PAX9: variants seen among roughly 807,000 people sequenced by gnomAD.
PAX9 encodes paired box protein Pax-9.
A neutral mutation model predicts 29.1 loss-of-function variants in PAX9; 6 were observed. The observed-to-expected ratio is 0.21, with a 90% CI of 0.11 to 0.41. The LOEUF is 0.41. Among genes scored for constraint, PAX9 ranks in the 10% least tolerant of loss-of-function variants. The probability of loss-of-function intolerance (pLI) is 1.00; values close to 1 mark genes in which losing one functional copy is unlikely to be tolerated. For synonymous variants in PAX9, 217 were observed against 211.7 expected, an observed-to-expected ratio of 1.03 and a Z score of -0.22; for missense variants, 443 against 479.1, an observed-to-expected ratio of 0.92 and a Z score of 0.70.
chr14:36,678,401 T>G lies in PAX9; in HGVS notation c.*1949T>G. 6 of 1,156,842 alleles carry G rather than the reference T, an allele frequency of 5.2e-6. No homozygotes were observed. The highest frequency in any genetic ancestry group is 7.5e-6 in the Non-Finnish European group (6 of 802,792). The allele number at this position is 1,156,842 out of a possible 1,614,324, so 71.7% of individuals were successfully genotyped here. A position where few individuals can be genotyped will look rare whatever the true frequency, so the allele number is the denominator to read the frequency against. On this transcript the variant is annotated 3_prime_UTR_variant, in exon 4 of 4. Coordinates refer to ENST00000361487, the MANE Select transcript of PAX9 (RefSeq NM_001372076.1). ...GAGGATTATAACTTCAGGAGAAGAATAAGCAGAAGGAGCAGATGAACTCTC... is the reference window on the plus strand; with the variant it reads ...GAGGATTATAACTTCAGGAGAAGAAGAAGCAGAAGGAGCAGATGAACTCTC...
intron 3 of PAX9, among the ~76,000 whole-genome samples, chr14:36,673,125 C>G (rs1394669578): frequency 4.0e-5 from 6 of 151,844 alleles, no homozygotes; most frequent in Non-Finnish European, 8.8e-5. Flanking sequence ...CTCAGCCTGC[C>G]AAAGTGCTGG....
chr14:36,661,052 G>A (rs1333336642), upstream of PAX9, among the ~76,000 whole-genome samples: 1 of 152,244 alleles, frequency 6.6e-6, no homozygotes, highest in African/African-American at 2.4e-5. Context: ...GAGGGCCAGG[G>A]GCCCAGGACA....
chr14:36,658,914 G>A (rs952910647), upstream of PAX9: 3 of 152,326 alleles, frequency 2.0e-5, no homozygotes, highest in African/African-American at 2.4e-5. Flanking sequence ...GCTCCCCTTG[G>A]GCGGGTGTAC....
At chr14:36,665,196 A>G (rs556889305) in intron 2 of PAX9, among the ~76,000 whole-genome samples, 19 of 149,714 alleles carry the variant, frequency 1.3e-4, no homozygotes, top group African/African-American at 4.4e-4. Context: ...AAAGGCTGAC[A>G]GAGTTTAAAA....
upstream of PAX9, among the ~76,000 whole-genome samples, chr14:36,660,252 C>G (rs1265842519): frequency 6.6e-6 from 1 of 152,176 alleles, no homozygotes; most frequent in Non-Finnish European, 1.5e-5. Context: ...CGGTGCCACA[C>G]GATGTCACCC....
chr14:36,672,785 G>GTT (rs1555317465), intron 3 of PAX9, among the ~76,000 whole-genome samples: 1 of 125,274 alleles, frequency 8.0e-6, no homozygotes, highest in African/African-American at 3.1e-5. Flanking sequence ...ATTTATGTTT[G>GTT]TTTTTTTTTT....
chr14:36,674,292 G>C (rs1881803655), intron 3 of PAX9, among the ~76,000 whole-genome samples: 1 of 152,182 alleles, frequency 6.6e-6, no homozygotes, highest in African/African-American at 2.4e-5. Context: ...CTCAAAAGAT[G>C]CACTAGTTTT....
chr14:36,672,540 T>C (rs1020552000), intron 3 of PAX9, among the ~76,000 whole-genome samples: 9 of 152,190 alleles, frequency 5.9e-5, no homozygotes, highest in African/African-American at 1.4e-4. Context: ...TCAAAATTAA[T>C]AGTGAGAAAA....
Position 36,663,087 on chromosome 14 carries a change from G to A in PAX9, c.195G>A (p.Ser65=). The A allele has an allele frequency of 6.2e-7, 1 of 1,613,936 alleles. No individual in the cohort carries two copies. The highest frequency in any genetic ancestry group is 8.5e-7 in the Non-Finnish European group (1 of 1,180,022). Residue 65 remains serine, a synonymous_variant, in exon 2 of 4, where the codon TCG becomes TCA. Coordinates refer to ENST00000361487, the MANE Select transcript of PAX9 (RefSeq NM_001372076.1). Reference sequence around the variant, plus strand: ...TGGCGCGATACAACGAGACGGGCTCGATCTTGCCAGGAGCCATCGGGGGCA... The same window carrying A: ...TGGCGCGATACAACGAGACGGGCTCAATCTTGCCAGGAGCCATCGGGGGCA... The part of the protein sequence containing the change: ...KILARYNETG[S]ILPGAIGGSK...
At chr14:36,669,646 T>A (rs1233852110) in intron 3 of PAX9, among the ~76,000 whole-genome samples, 1 of 152,172 alleles carries the variant, frequency 6.6e-6, no homozygotes, top group African/African-American at 2.4e-5. Flanking sequence ...TACTATTGAT[T>A]ACCATAATCT....
chr14:36,678,637 G>A lies in PAX9; in HGVS notation c.*2185G>A. On this transcript the variant is annotated 3_prime_UTR_variant, in exon 4 of 4. Coordinates refer to ENST00000361487, the MANE Select transcript of PAX9 (RefSeq NM_001372076.1). ...ACTATTCTTTATCAAATGTTTTTAG[G>A]TGGCTGTTAGGGGGCTTTAAAAAAT... 2 of 1,288,540 alleles carry A rather than the reference G, an allele frequency of 1.6e-6. No individual in the cohort carries two copies. The highest frequency in any genetic ancestry group is 2.8e-5 in the East Asian group (1 of 35,440). The allele number at this position is 1,288,540 out of a possible 1,614,324, so 79.8% of individuals were successfully genotyped here.
intron 1 of PAX9, 35 bp downstream of exon 1, chr14:36,662,128 AAGGGAGGGAGGGAGCGAGCGGGCAAGGG>A (rs770965126): frequency 5.2e-5 from 53 of 1,024,782 alleles, no homozygotes; most frequent in Middle Eastern, 4.0e-4. Flanking sequence ...CAGAGCCGGG[AAGGGAGGGAGGGAGCGAGCGGGCAAGGG>A]AGGGAGGGAG....
Position 36,663,057 on chromosome 14 carries a change from G to T in PAX9, c.165G>T (p.Lys55Asn). 1 of 1,613,910 alleles carries T rather than the reference G, an allele frequency of 6.2e-7. No homozygotes were observed. Among genetic ancestry groups the T allele is most frequent in the African/African-American group, 1.3e-5 (1 of 75,066 alleles). Residue 55 changes from lysine (K) to asparagine (N), a missense_variant, in exon 2 of 4, where the codon AAG (lysine) becomes AAT (asparagine). This residue lies in a region of PAX9 where 107 missense variants were observed against 161.9 expected (regional missense o/e 0.66). Coordinates refer to ENST00000361487, the MANE Select transcript of PAX9 (RefSeq NM_001372076.1). ...QLRVSHGCVSKILARYNETGS... is the reference protein window; with the variant it reads ...QLRVSHGCVSNILARYNETGS... ...GGGTCTCGCACGGCTGCGTCAGCAA[G>T]ATCCTGGCGCGATACAACGAGACGG...
At chr14:36,673,303 A>C (rs1253690874) in intron 3 of PAX9, among the ~76,000 whole-genome samples, 4 of 152,200 alleles carry the variant, frequency 2.6e-5, no homozygotes, top group Non-Finnish European at 5.9e-5. Context: ...AATATTTAGT[A>C]CTAAGAATAA....
intron 3 of PAX9, among the ~76,000 whole-genome samples, chr14:36,668,758 A>C (rs978435328): frequency 1.5e-5 from 2 of 130,078 alleles, no homozygotes; most frequent in African/African-American, 7.4e-5. Context: ...TTAATTTATA[A>C]TACACTTCAA....
chr14:36,662,113 T>C lies in PAX9; in HGVS notation c.4+20T>C. The C allele has an allele frequency of 1.4e-6, 2 of 1,448,478 alleles. No individual in the cohort carries two copies. The highest frequency in any genetic ancestry group is 2.5e-5 in the South Asian group (2 of 79,952). The allele number at this position is 1,448,478 out of a possible 1,614,324, so 89.7% of individuals were successfully genotyped here. A position where few individuals can be genotyped will look rare whatever the true frequency, so the allele number is the denominator to read the frequency against. On this transcript the variant is annotated intron_variant, in intron 1 of 3. Coordinates refer to ENST00000361487, the MANE Select transcript of PAX9 (RefSeq NM_001372076.1). ...CAATGGGTGAGTGGCGGCGGGGGAC[T>C]CTGTCAGAGCCGGGAAGGGAGGGAG...
intron 3 of PAX9, among the ~76,000 whole-genome samples, chr14:36,671,678 C>T (rs1463813068): frequency 6.6e-6 from 1 of 152,154 alleles, no homozygotes; most frequent in African/African-American, 2.4e-5. Flanking sequence ...ATCTAGCCCT[C>T]TGCCAATACA....
intron 2 of PAX9, 146 bp downstream of exon 2, chr14:36,663,669 G>A: frequency 9.7e-7 from 1 of 1,031,162 alleles, no homozygotes; most frequent in Non-Finnish European, 1.4e-6. Context: ...CTTCCTAGGG[G>A]GTGTTCTGAT....
rs1382989456 is a variant in PAX9, at chr14:36,666,613, A to G, written c.771+12A>G. On this transcript the variant is annotated intron_variant, in intron 3 of 3. Coordinates refer to ENST00000361487, the MANE Select transcript of PAX9 (RefSeq NM_001372076.1). The stretch of plus-strand genomic sequence containing the variant: ...CCAAGTACGGTCAGGTGAGGAGGCG[A>G]GGGTCAGGCCAGGTGGGCCGCGTGG... 1.9e-6 allele frequency: 3 copies of G among 1,559,872 alleles called. No homozygotes were observed. Among genetic ancestry groups the G allele is most frequent in the Non-Finnish European group, 2.6e-6 (3 of 1,151,586 alleles).
Sources: allele counts gnomAD v4.1 joint callset (sites outside exome capture counted in the v4.1 genomes callset), GRCh38; gene constraint gnomAD v4.1.1; regional missense constraint gnomAD v4.1.1; transcripts MANE v1.5; gene names NCBI Gene and HGNC (gene_info 2026-07-23, HGNC 2026-07-21).